The following WDR43 variants were observed in gnomAD, a reference collection of about 807,000 sequenced individuals.
WDR43 encodes the protein WD repeat domain 43, also known as WD repeat-containing protein 43.
A neutral mutation model predicts 91.4 loss-of-function variants in WDR43; 13 were observed. The ratio of observed to expected loss-of-function variants is 0.14; its 90% CI spans 0.09 to 0.23. The LOEUF is 0.23. Ranked by LOEUF, WDR43 falls within the 10% of genes least tolerant of loss-of-function variation. The pLI, the probability that WDR43 is intolerant of heterozygous loss-of-function variation, is 1.00. For missense variants in WDR43, 780 were observed against 809.4 expected (o/e 0.96, Z 0.44); for synonymous variants, 331 against 287.9 (o/e 1.15, Z -1.51).
At chr2:28,916,413 A>G (rs1670911659) in intron 5 of WDR43, among the ~76,000 whole-genome samples, 1 of 152,186 alleles carries the variant, frequency 6.6e-6, no homozygotes, top group Non-Finnish European at 1.5e-5. Flanking sequence ...ATCCTCATCA[A>G]CACTTGGTAT....
chr2:28,930,256 G>T (rs753887510), intron 11 of WDR43: 3 of 355,664 alleles, frequency 8.4e-6, no homozygotes, highest in Non-Finnish European at 1.7e-5. Context: ...TATGATTTCT[G>T]TGTAAGTTGG....
At chr2:28,930,317 T>C (rs1337557892) in intron 11 of WDR43, among the ~76,000 whole-genome samples, 1 of 152,246 alleles carries the variant, frequency 6.6e-6, no homozygotes, top group African/African-American at 2.4e-5. Context: ...TTCTACAGTT[T>C]GACAGCATTC....
chr2:28,924,565 T>C lies in WDR43; in HGVS notation c.915-417T>C, dbSNP rs529342693. Among the ~76,000 whole-genome samples, 6 of 152,054 alleles carry C rather than the reference T, an allele frequency of 3.9e-5. No individual in the cohort carries two copies. In the South Asian group the frequency reaches 1.0e-3, roughly 26 times the overall value. ...GTGAAGAGAGCCCCTAGAGAAGCCA[T>C]TGAGGACACAATTTTGCTGCTGGAA... On this transcript the variant is annotated intron_variant, in intron 7 of 17. Transcript: ENST00000407426.
In WDR43 at chr2:28,935,420, T is replaced by G. The variant is rs1350465501; in HGVS notation, c.1438-101T>G. The G allele has an allele frequency of 7.7e-6, 6 of 777,614 alleles. No homozygotes were observed. The Admixed American group carries it at 9.6e-5, about 12-fold the overall frequency. 48.2% of individuals were successfully genotyped at this position (777,614 alleles called of 1,614,324 possible). A position where few individuals can be genotyped will look rare whatever the true frequency, so the allele number is the denominator to read the frequency against. ...CAGTTTGTAGTTTATTGCCTTGGTCTTAAATGATTTAAAGGATTCATTTTT... is the reference window on the plus strand; with the variant it reads ...CAGTTTGTAGTTTATTGCCTTGGTCGTAAATGATTTAAAGGATTCATTTTT... On this transcript the variant is annotated intron_variant, in intron 11 of 17. Transcript: ENST00000407426.
At chr2:28,923,723 C>G (rs185568910) in intron 7 of WDR43, among the ~76,000 whole-genome samples, 2 of 152,164 alleles carry the variant, frequency 1.3e-5, no homozygotes, top group East Asian at 3.9e-4. Flanking sequence ...GAGTTCTGCT[C>G]CTATAGGTAA....
chr2:28,917,053 T>A (rs1340215025), intron 5 of WDR43, among the ~76,000 whole-genome samples: 3 of 152,186 alleles, frequency 2.0e-5, no homozygotes, highest in African/African-American at 7.2e-5. Flanking sequence ...TTCAGAATTA[T>A]GCTTGGGGGC....
chr2:28,902,227 A>T, intron 2 of WDR43, 103 bp downstream of exon 2: 1 of 1,214,194 alleles, frequency 8.2e-7, no homozygotes, highest in Non-Finnish European at 1.1e-6. Context: ...GGATCTGTGC[A>T]GTAGGGACAG....
chr2:28,946,093 T>C (rs1046320529), intron 16 of WDR43, among the ~76,000 whole-genome samples: 4 of 152,102 alleles, frequency 2.6e-5, no homozygotes, highest in African/African-American at 9.7e-5. Flanking sequence ...CCCAGCACTT[T>C]GGGAGGCAGA....
intron 4 of WDR43, among the ~76,000 whole-genome samples, chr2:28,913,484 C>A (rs1670847993): frequency 6.6e-6 from 1 of 152,172 alleles, no homozygotes; most frequent in African/African-American, 2.4e-5. Context: ...CGCTTGCCAC[C>A]AGGCCTAGCT....
intron 7 of WDR43, among the ~76,000 whole-genome samples, chr2:28,924,473 T>C (rs1466237589): frequency 1.3e-5 from 2 of 151,962 alleles, no homozygotes; most frequent in Admixed American, 6.6e-5. Context: ...CTGACACAAA[T>C]GGTATGGGAG....
rs778622222 is a variant in WDR43, at chr2:28,929,660, C to G, written c.1387C>G (p.Pro463Ala). The G allele has an allele frequency of 6.9e-5, 111 of 1,613,690 alleles. No homozygotes were observed. The highest frequency in any genetic ancestry group is 4.1e-5 in the Non-Finnish European group (48 of 1,179,810). Residue 463 changes from proline (P) to alanine (A), a missense_variant, in exon 11 of 18, where the codon CCA becomes GCA. By Grantham distance (27) the Pro-to-Ala change is conservative. Around this residue, in one of 4 missense-constraint regions of WDR43, gnomAD observed 426 missense variants for 467.8 expected, o/e 0.91. Transcript: ENST00000407426. ...GGAAGACCTCCAGACGAATAGCTTT[C>G]CAGTTCTTCTTACCCAGGGCTTAGA... ...GKEDLQTNSFPVLLTQGLESN... is the reference protein window; with the variant it reads ...GKEDLQTNSFAVLLTQGLESN...
intron 1 of WDR43, among the ~76,000 whole-genome samples, chr2:28,898,141 CT>C (rs1029353612): frequency 1.1e-4 from 16 of 152,358 alleles, no homozygotes; most frequent in African/African-American, 3.6e-4. Flanking sequence ...TCCGACTTTT[CT>C]GCTTTTCCTT....
intron 15 of WDR43, 57 bp from the exon 16 acceptor site, chr2:28,942,255 G>A (rs761357369): frequency 7.1e-6 from 11 of 1,555,560 alleles, no homozygotes; most frequent in East Asian, 4.6e-5. Flanking sequence ...GCTGGTGGTC[G>A]TGATACTTGG....
chr2:28,896,856 G>C (rs1311216473), intron 1 of WDR43, among the ~76,000 whole-genome samples: 1 of 152,166 alleles, frequency 6.6e-6, no homozygotes, highest in Non-Finnish European at 1.5e-5. Flanking sequence ...TGACAAACGA[G>C]AGTTGAGCTA....
chr2:28,943,438 C>T (rs1426695027), intron 16 of WDR43, among the ~76,000 whole-genome samples: 3 of 152,122 alleles, frequency 2.0e-5, no homozygotes, highest in Non-Finnish European at 4.4e-5. Flanking sequence ...ACTGGGCTGT[C>T]CTTTTTGTCA....
intron 15 of WDR43, 24 bp downstream of exon 15, chr2:28,941,598 G>C: frequency 6.4e-7 from 1 of 1,562,754 alleles, no homozygotes; most frequent in Non-Finnish European, 8.8e-7. Context: ...ATTGTTCTGG[G>C]CTAAAACTTT....
At chr2:28,930,508 T>C (rs1671219011) in intron 11 of WDR43, among the ~76,000 whole-genome samples, 1 of 152,162 alleles carries the variant, frequency 6.6e-6, no homozygotes, top group Non-Finnish European at 1.5e-5. Context: ...ATTTGATCCA[T>C]TTTTTTAGGG....
chr2:28,915,121 A>G (rs950198867), intron 5 of WDR43, among the ~76,000 whole-genome samples: 1 of 152,188 alleles, frequency 6.6e-6, no homozygotes, highest in Non-Finnish European at 1.5e-5. Flanking sequence ...TTTATACAAG[A>G]TAATACTCAT....
At chr2:28,934,787 T>C (rs918456798) in intron 11 of WDR43, among the ~76,000 whole-genome samples, 4 of 152,180 alleles carry the variant, frequency 2.6e-5, no homozygotes, top group Non-Finnish European at 5.9e-5. Flanking sequence ...CTGCTGTTTC[T>C]ATTCTGAGCA....
Sources: allele counts gnomAD v4.1 joint callset (sites outside exome capture counted in the v4.1 genomes callset), GRCh38; gene constraint gnomAD v4.1.1; regional missense constraint gnomAD v4.1.1; transcripts MANE v1.5; gene names NCBI Gene and HGNC (gene_info 2026-07-23, HGNC 2026-07-21).